The following BMPER variants were observed in gnomAD, a reference collection of about 807,000 sequenced individuals.
BMPER encodes BMP-binding endothelial regulator protein.
A neutral mutation model predicts 87.3 loss-of-function variants in BMPER; 45 were observed. That is an observed-to-expected ratio of 0.52 (90% CI 0.41 to 0.66). The LOEUF is 0.66. BMPER is among the 30% of genes least tolerant of loss of function. The pLI is 0.00. For missense variants in BMPER, 784 were observed against 867.5 expected (o/e 0.90, Z 1.21); for synonymous variants, 326 against 316.2 (o/e 1.03, Z -0.33).
At chr7:34,020,779 A>G (rs1308835462) in intron 6 of BMPER, among the ~76,000 whole-genome samples, 1 of 151,902 alleles carries the variant, frequency 6.6e-6, no homozygotes, top group Non-Finnish European at 1.5e-5. Context: ...TGGACAAAAT[A>G]AGGATAGGGA....
intron 6 of BMPER, among the ~76,000 whole-genome samples, chr7:34,039,613 C>T (rs901987043): frequency 6.0e-5 from 9 of 150,326 alleles, no homozygotes; most frequent in Admixed American, 4.6e-4. Context: ...TACACACACA[C>T]ACACACACAC....
intron 13 of BMPER, among the ~76,000 whole-genome samples, chr7:34,120,265 G>T (rs865838158): frequency 6.6e-6 from 1 of 152,204 alleles, no homozygotes; most frequent in Non-Finnish European, 1.5e-5. Context: ...ATGGAAAATT[G>T]TAAAAACTTG....
intron 6 of BMPER, among the ~76,000 whole-genome samples, chr7:34,039,879 G>A (rs1787790965): frequency 6.6e-6 from 1 of 152,028 alleles, no homozygotes; most frequent in Non-Finnish European, 1.5e-5. Flanking sequence ...AACACATCTT[G>A]TATCAGTCAA....
intron 6 of BMPER, among the ~76,000 whole-genome samples, chr7:33,992,003 C>G (rs1786234965): frequency 6.7e-6 from 1 of 149,314 alleles, no homozygotes; most frequent in East Asian, 2.0e-4. Flanking sequence ...AATTTCTGTT[C>G]TTTTACATTT....
chr7:34,127,739 C>CA (rs1790443502), intron 13 of BMPER, among the ~76,000 whole-genome samples: 1 of 152,158 alleles, frequency 6.6e-6, no homozygotes, highest in Admixed American at 6.6e-5. Context: ...CAGTGTGAGA[C>CA]CCTTTTTCAG....
intron 11 of BMPER, among the ~76,000 whole-genome samples, chr7:34,074,517 C>T (rs143947741): frequency 1.0e-3 from 153 of 152,328 alleles, no homozygotes; most frequent in African/African-American, 3.4e-3. Flanking sequence ...GGCATCATCA[C>T]GACGCTTACC....
intron 13 of BMPER, among the ~76,000 whole-genome samples, chr7:34,117,038 C>G (rs907719784): frequency 6.6e-6 from 1 of 151,740 alleles, no homozygotes; most frequent in Non-Finnish European, 1.5e-5. Flanking sequence ...TCTTAAGTCA[C>G]TCTTTCTCCT....
chr7:34,130,777 T>C (rs936062017), intron 13 of BMPER, among the ~76,000 whole-genome samples: 13 of 152,124 alleles, frequency 8.5e-5, no homozygotes, highest in African/African-American at 3.1e-4. Context: ...CTCAGAAACC[T>C]TCCCTGAGAA....
chr7:34,070,844 A>G (rs1391215509), intron 11 of BMPER, among the ~76,000 whole-genome samples: 5 of 103,180 alleles, frequency 4.8e-5, no homozygotes, highest in African/African-American at 1.5e-4. Context: ...TTTAATTTCT[A>G]CTTATTTTGG....
intron 13 of BMPER, 122 bp downstream of exon 13, chr7:34,086,214 C>A (rs1197466429): frequency 2.7e-6 from 3 of 1,128,122 alleles, no homozygotes; most frequent in Non-Finnish European, 1.3e-6. Context: ...GGGTAGGCAT[C>A]TTCTTGCTGT....
intron 14 of BMPER, among the ~76,000 whole-genome samples, chr7:34,145,152 C>T (rs925628847): frequency 2.0e-5 from 3 of 152,188 alleles, no homozygotes; most frequent in Non-Finnish European, 4.4e-5. Flanking sequence ...GTGATTCTGA[C>T]CTGCAGCCAG....
At chr7:33,952,929 A>G (rs1169946088) in intron 3 of BMPER, among the ~76,000 whole-genome samples, 1 of 152,200 alleles carries the variant, frequency 6.6e-6, no homozygotes. Flanking sequence ...ATGTTCATGA[A>G]CTTGAGTGCC....
intron 6 of BMPER, among the ~76,000 whole-genome samples, chr7:33,991,571 C>G (rs1362080514): frequency 2.0e-5 from 3 of 152,148 alleles, no homozygotes; most frequent in Non-Finnish European, 2.9e-5. Context: ...AAACCAGCTC[C>G]TGGATTCATT....
In BMPER at chr7:34,062,064, G is replaced by A. The variant is rs1249785833; in HGVS notation, c.1078+17G>A. 2 of 1,600,814 alleles carry A rather than the reference G, an allele frequency of 1.2e-6. No individual in the cohort carries two copies. The highest frequency in any genetic ancestry group is 1.3e-5 in the African/African-American group (1 of 74,282). On this transcript the variant is annotated intron_variant, in intron 11 of 14. Coordinates refer to ENST00000649409, the MANE Select transcript of BMPER (RefSeq NM_001365308.1). ...GCACTGAAAGTAAGTTTATTCCTTT[G>A]AAAATGTGCTATTAGTATTTGTTTT...
chr7:33,984,583 A>G (rs1007953366), intron 6 of BMPER, among the ~76,000 whole-genome samples: 3 of 152,206 alleles, frequency 2.0e-5, no homozygotes, highest in African/African-American at 7.2e-5. Context: ...GTTCACCTAG[A>G]CATAGCTTTC....
At chr7:33,914,778 G>A (rs12534208) in intron 2 of BMPER, among the ~76,000 whole-genome samples, 63,245 of 151,986 alleles carry the variant, frequency 0.42, 13,587 homozygotes, top group Middle Eastern at 0.56. Flanking sequence ...GGAGAAACCT[G>A]TGAAAGAGAT....
At chr7:34,080,950 A>G (rs1374059616) in intron 12 of BMPER, among the ~76,000 whole-genome samples, 1 of 152,196 alleles carries the variant, frequency 6.6e-6, no homozygotes, top group African/African-American at 2.4e-5. Flanking sequence ...CCATAATTAG[A>G]TTAGTGAATT....
At chr7:33,965,393 A>T (rs1785381519) in intron 3 of BMPER, among the ~76,000 whole-genome samples, 2 of 147,646 alleles carry the variant, frequency 1.4e-5, no homozygotes, top group Admixed American at 6.8e-5. Context: ...ATTAACAGGG[A>T]TTTTTTTTTT....
chr7:34,061,053 G>A (rs1405852042), intron 10 of BMPER, among the ~76,000 whole-genome samples: 1 of 152,074 alleles, frequency 6.6e-6, no homozygotes, highest in African/African-American at 2.4e-5. Flanking sequence ...CAGCTCATAA[G>A]GTTCTTGTGC....
Sources: allele counts gnomAD v4.1 joint callset (sites outside exome capture counted in the v4.1 genomes callset), GRCh38; gene constraint gnomAD v4.1.1; transcripts MANE v1.5; gene names NCBI Gene and HGNC (gene_info 2026-07-23, HGNC 2026-07-21).